Variants in TFCP2 observed in about 807,000 individuals in gnomAD.
TFCP2 encodes the protein transcription factor CP2.
In TFCP2, 33 loss-of-function variants were observed where a neutral mutation model predicts 73.4. The ratio of observed to expected loss-of-function variants is 0.45; its 90% confidence interval spans 0.34 to 0.60. The LOEUF is 0.60. TFCP2 is among the 20% of genes least tolerant of loss of function. TFCP2 has a pLI of 0.01. For synonymous variants in TFCP2, 193 were observed against 211.6 expected, an observed-to-expected ratio of 0.91 and a Z score of 0.76; for missense variants, 352 against 604.0, an observed-to-expected ratio of 0.58 and a Z score of 4.37.
chr12:51,132,307 C>G (rs1299419004), intron 1 of TFCP2, among the ~76,000 whole-genome samples: 1 of 131,538 alleles, frequency 7.6e-6, no homozygotes, highest in Non-Finnish European at 1.6e-5. Flanking sequence ...GCTTTAACAA[C>G]AAGAATGTGG....
chr12:51,125,546 C>A (rs1221668805), intron 1 of TFCP2, among the ~76,000 whole-genome samples: 2 of 152,246 alleles, frequency 1.3e-5, no homozygotes, highest in African/African-American at 4.8e-5. Flanking sequence ...CTAATATACT[C>A]TGTTCTTTGC....
In TFCP2 at chr12:51,106,535, G is replaced by T. The variant is rs1386955268; in HGVS notation, c.907C>A (p.Leu303Ile). ...ATTTCCCAGACTTACCCTTCCCCAA[G>T]AGAAAAACTGCTATGGGAACTGTTG... ...GFNSSHSSFSLGEGNGSPNHQ... is the reference protein window; with the variant it reads ...GFNSSHSSFSIGEGNGSPNHQ... The change falls in exon 8 of 15, where the codon CTT becomes ATT. Residue 303 changes from leucine to isoleucine, a missense_variant. Around this residue, in one of 6 missense-constraint regions of TFCP2, gnomAD observed 194 missense variants for 256.3 expected, o/e 0.76. Transcript: ENST00000257915. The T allele has an allele frequency of 6.2e-7, 1 of 1,611,840 alleles. No homozygotes were observed. Among genetic ancestry groups the T allele is most frequent in the Admixed American group, 1.7e-5 (1 of 59,534 alleles).
intron 1 of TFCP2, among the ~76,000 whole-genome samples, chr12:51,131,326 CT>C (rs1376048643): frequency 1.9e-5 from 2 of 107,508 alleles, no homozygotes; most frequent in East Asian, 5.0e-4. Context: ...CAGAGCAAGA[CT>C]GTCTCAAAAA....
At chr12:51,115,350 G>C (rs1940508981) in intron 4 of TFCP2, among the ~76,000 whole-genome samples, 1 of 152,046 alleles carries the variant, frequency 6.6e-6, no homozygotes, top group Non-Finnish European at 1.5e-5. Flanking sequence ...TCGATTTCCT[G>C]ACCTCATGTT....
chr12:51,140,951 G>C (rs1249683933), intron 1 of TFCP2, among the ~76,000 whole-genome samples: 1 of 151,974 alleles, frequency 6.6e-6, no homozygotes, highest in Non-Finnish European at 1.5e-5. Flanking sequence ...AGCTACTTGG[G>C]AGGCTGAGGC....
chr12:51,115,745 C>A (rs1940519008), intron 4 of TFCP2, among the ~76,000 whole-genome samples: 2 of 152,162 alleles, frequency 1.3e-5, no homozygotes, highest in African/African-American at 4.8e-5. Context: ...CTAATGTATG[C>A]TATACCATGA....
intron 1 of TFCP2, among the ~76,000 whole-genome samples, chr12:51,167,420 C>T (rs943645488): frequency 6.6e-6 from 1 of 150,814 alleles, no homozygotes; most frequent in Non-Finnish European, 1.5e-5. Context: ...TTGAGACAGT[C>T]TCGCTTTTGT....
chr12:51,098,533 G>A (rs532058555), intron 13 of TFCP2, among the ~76,000 whole-genome samples: 1 of 152,124 alleles, frequency 6.6e-6, no homozygotes, highest in South Asian at 2.1e-4. Flanking sequence ...AGCTGAGACA[G>A]GAGAATCACT....
At chr12:51,120,754 C>T (rs566485701) in intron 1 of TFCP2, among the ~76,000 whole-genome samples, 17 of 151,462 alleles carry the variant, frequency 1.1e-4, no homozygotes, top group Non-Finnish European at 2.2e-4. Context: ...CATGGTGAAA[C>T]CCCATCTCTA....
chr12:51,106,834 C>T (rs868165044), intron 7 of TFCP2: 53 of 506,116 alleles, frequency 1.0e-4, no homozygotes, highest in South Asian at 4.9e-4. Flanking sequence ...TAGAAAACTA[C>T]GGTCCCAGGC....
chr12:51,137,628 T>C (rs1436223261), intron 1 of TFCP2, among the ~76,000 whole-genome samples: 1 of 152,184 alleles, frequency 6.6e-6, no homozygotes, highest in African/African-American at 2.4e-5. Context: ...CTAGGCTCTT[T>C]TATTAAATTT....
At chr12:51,151,034 C>T (rs2640525) in intron 1 of TFCP2, among the ~76,000 whole-genome samples, 140,505 of 152,242 alleles carry the variant, frequency 0.92, 65,138 homozygotes, top group Non-Finnish European at 0.97. Context: ...TGCTATTTTA[C>T]GTGAAGGACA....
chr12:51,122,253 C>CTTT (rs11347975), intron 1 of TFCP2, among the ~76,000 whole-genome samples: 99 of 73,118 alleles, frequency 1.4e-3, no homozygotes, highest in African/African-American at 2.5e-3. Context: ...TTTTTCTTTT[C>CTTT]TTTTTTTTTT....
intron 1 of TFCP2, among the ~76,000 whole-genome samples, chr12:51,138,960 A>G (rs1941126927): frequency 6.6e-6 from 1 of 152,206 alleles, no homozygotes; most frequent in African/African-American, 2.4e-5. Context: ...TGATGAAGGA[A>G]GGCCTTTTCT....
intron 4 of TFCP2, among the ~76,000 whole-genome samples, chr12:51,115,206 G>A (rs1256413671): frequency 2.2e-5 from 3 of 133,752 alleles, no homozygotes; most frequent in Non-Finnish European, 3.1e-5. Context: ...TGCAAGCTCC[G>A]CCTCCCGGGT....
In TFCP2 at chr12:51,099,871, T is replaced by C. The variant is rs1410743991; in HGVS notation, c.1152-92A>G. On this transcript the variant is annotated intron_variant, in intron 11 of 14. Transcript: ENST00000257915. Reference sequence around the variant, plus strand: ...AAATTGTGTTTCTACATTAATCGTATAGAGCAGATGAAAATTGGAAGCTCA... The same window carrying C: ...AAATTGTGTTTCTACATTAATCGTACAGAGCAGATGAAAATTGGAAGCTCA... The C allele has an allele frequency of 4.1e-6, 6 of 1,470,920 alleles. No homozygotes were observed. The South Asian group carries it at 4.1e-5, about 10-fold the overall frequency. 91.1% of individuals were successfully genotyped at this position (1,470,920 alleles called of 1,614,324 possible). A position where few individuals can be genotyped will look rare whatever the true frequency, so the allele number is the denominator to read the frequency against.
chr12:51,098,997 A>T, intron 12 of TFCP2, 79 bp from the exon 13 acceptor site: 1 of 1,477,314 alleles, frequency 6.8e-7, no homozygotes, highest in Non-Finnish European at 9.2e-7. Context: ...AGGAATGCCC[A>T]CTTTTCTGAA....
chr12:51,117,136 A>C (rs1940547240), intron 3 of TFCP2, among the ~76,000 whole-genome samples: 1 of 152,138 alleles, frequency 6.6e-6, no homozygotes, highest in Non-Finnish European at 1.5e-5. Context: ...GTAAACACTG[A>C]GGGTAGGTAG....
chr12:51,108,192 G>T (rs1226094265), intron 6 of TFCP2, among the ~76,000 whole-genome samples: 1 of 151,530 alleles, frequency 6.6e-6, no homozygotes, highest in African/African-American at 2.4e-5. Context: ...AGGCTGAGGC[G>T]TGAGAACAGC....
Sources: allele counts gnomAD v4.1 joint callset (sites outside exome capture counted in the v4.1 genomes callset), GRCh38; gene constraint gnomAD v4.1.1; regional missense constraint gnomAD v4.1.1; transcripts MANE v1.5; gene names NCBI Gene and HGNC (gene_info 2026-07-23, HGNC 2026-07-21).